LPP: variants seen among roughly 807,000 people sequenced by gnomAD.
LPP encodes lipoma-preferred partner.
LPP carries 38 observed loss-of-function variants against 60.4 expected under a neutral mutation model. That is an observed-to-expected ratio of 0.63 (90% CI 0.49 to 0.83). The LOEUF is 0.83. Among genes scored for constraint, LPP ranks in the 40% least tolerant of loss-of-function variants. The probability of loss-of-function intolerance (pLI) is 0.00; values close to 1 mark genes in which losing one functional copy is unlikely to be tolerated. For synonymous variants in LPP, 328 were observed against 290.8 expected (o/e 1.13, Z -1.30); for missense variants, 902 against 783.6 (o/e 1.15, Z -1.80).
At position 188,760,435 on chromosome 3, in the gene LPP, T is replaced by TGTGC. The variant is rs777127864; in HGVS notation, c.1410+154_1410+155insTGCG. The stretch of plus-strand genomic sequence containing the variant: ...GTGTGTGTGTGTGTGTGTGTGTGTG[T>TGTGC]GCGTGCGCGCATGTAAATTAGCATA... On this transcript the variant is annotated intron_variant, in intron 9 of 11. Coordinates refer to ENST00000617246, the MANE Select transcript of LPP (RefSeq NM_001375462.1). 1.9e-4 allele frequency among the ~76,000 whole-genome samples: 29 copies of TGTGC among 151,196 alleles called. No individual in the cohort carries two copies. In the South Asian group the frequency reaches 2.7e-3, roughly 14 times the overall value.
chr3:188,514,295 G>T (rs1015518902), intron 5 of LPP, among the ~76,000 whole-genome samples: 1 of 150,688 alleles, frequency 6.6e-6, no homozygotes, highest in African/African-American at 2.4e-5. Context: ...TCTAGTGTTC[G>T]CTTGTTCATT....
chr3:188,562,045 G>GCACACACAGA (rs66520436), intron 6 of LPP, among the ~76,000 whole-genome samples: 10 of 52,370 alleles, frequency 1.9e-4, no homozygotes, highest in African/African-American at 4.2e-4. Context: ...TTATAATCAC[G>GCACACACAGA]CACACACAGA....
At chr3:188,718,371 C>A (rs978796774) in intron 8 of LPP, among the ~76,000 whole-genome samples, 7 of 152,130 alleles carry the variant, frequency 4.6e-5, no homozygotes, top group African/African-American at 1.7e-4. Context: ...ATAGGTCGGG[C>A]CTGCTACTTT....
chr3:188,777,576 G>A (rs1302746633), intron 9 of LPP, among the ~76,000 whole-genome samples: 1 of 152,128 alleles, frequency 6.6e-6, no homozygotes, highest in African/African-American at 2.4e-5. Context: ...AGATTGAGGA[G>A]CTAATTTTGC....
At chr3:188,616,899 A>T (rs544979529) in intron 7 of LPP, among the ~76,000 whole-genome samples, 1 of 152,328 alleles carries the variant, frequency 6.6e-6, no homozygotes, top group South Asian at 2.1e-4. Flanking sequence ...ATTAGCATAT[A>T]GAAATAGCAA....
intron 7 of LPP, among the ~76,000 whole-genome samples, chr3:188,613,534 T>C (rs1212032733): frequency 1.3e-5 from 2 of 152,086 alleles, no homozygotes; most frequent in Non-Finnish European, 2.9e-5. Flanking sequence ...GCTGGGGCTG[T>C]GCATTCCAGG....
At chr3:188,762,242 T>C (rs1162486403) in intron 9 of LPP, among the ~76,000 whole-genome samples, 1 of 152,184 alleles carries the variant, frequency 6.6e-6, no homozygotes, top group Non-Finnish European at 1.5e-5. Context: ...AATTATTTAC[T>C]CTTTCTAAGT....
chr3:188,501,120 A>C (rs2149870109), intron 5 of LPP, among the ~76,000 whole-genome samples: 1 of 151,448 alleles, frequency 6.6e-6, no homozygotes, highest in East Asian at 1.9e-4. Context: ...TTTTTTTCCA[A>C]GTTTCACAAT....
intron 6 of LPP, among the ~76,000 whole-genome samples, chr3:188,604,482 C>A (rs986509384): frequency 6.6e-6 from 1 of 152,034 alleles, no homozygotes; most frequent in Non-Finnish European, 1.5e-5. Flanking sequence ...ACCTCAAAGT[C>A]TTCCTGGAAA....
At chr3:188,386,921 G>A (rs1487050910) in intron 3 of LPP, among the ~76,000 whole-genome samples, 1 of 152,034 alleles carries the variant, frequency 6.6e-6, no homozygotes, top group Non-Finnish European at 1.5e-5. Flanking sequence ...CCCAAAGTTG[G>A]TTTGCCTTTA....
At chr3:188,634,137 G>A (rs535837424) in intron 7 of LPP, among the ~76,000 whole-genome samples, 12 of 152,282 alleles carry the variant, frequency 7.9e-5, no homozygotes, top group African/African-American at 2.9e-4. Flanking sequence ...CTCAGATTCT[G>A]GAATCAAAGC....
At chr3:188,787,432 G>T (rs548978515) in intron 9 of LPP, among the ~76,000 whole-genome samples, 5 of 150,890 alleles carry the variant, frequency 3.3e-5, no homozygotes, top group Admixed American at 2.0e-4. Flanking sequence ...ACACACACAC[G>T]CACACACACA....
At chr3:188,235,451 G>C (rs1012913905) in intron 2 of LPP, among the ~76,000 whole-genome samples, 1 of 152,088 alleles carries the variant, frequency 6.6e-6, no homozygotes, top group African/African-American at 2.4e-5. Context: ...TTGTGGTGGG[G>C]ATAAAATGTT....
intron 2 of LPP, among the ~76,000 whole-genome samples, chr3:188,297,138 A>T (rs147132517): frequency 6.6e-6 from 1 of 152,220 alleles, no homozygotes; most frequent in East Asian, 1.9e-4. Flanking sequence ...ATGTCATTCG[A>T]TCTATAATTC....
At chr3:188,233,895 G>T (rs1399733723) in intron 2 of LPP, among the ~76,000 whole-genome samples, 2 of 151,808 alleles carry the variant, frequency 1.3e-5, no homozygotes, top group African/African-American at 2.4e-5. Context: ...GTGTGTAGCC[G>T]CTGCTCACCC....
At chr3:188,503,282 C>T (rs1378377696) in intron 5 of LPP, among the ~76,000 whole-genome samples, 1 of 152,062 alleles carries the variant, frequency 6.6e-6, no homozygotes, top group Non-Finnish European at 1.5e-5. Flanking sequence ...AACAAAATTA[C>T]ATCTTTATAC....
rs1040275957 is a variant in LPP, at chr3:188,882,345, T to G, written c.*7866T>G. The stretch of plus-strand genomic sequence containing the variant: ...GCCAAAATATCATGGATTCTGGAAA[T>G]TCCTTCTTAACAGAAAAAAAAGGCT... On this transcript the variant is annotated 3_prime_UTR_variant, in exon 12 of 12. Coordinates refer to ENST00000617246, the MANE Select transcript of LPP (RefSeq NM_001375462.1). 1 of 225,872 alleles carries G rather than the reference T, an allele frequency of 4.4e-6. No individual in the cohort carries two copies. Among genetic ancestry groups the G allele is most frequent in the Non-Finnish European group, 8.8e-6 (1 of 113,608 alleles). 14.0% of individuals were successfully genotyped at this position (225,872 alleles called of 1,614,324 possible). A position where few individuals can be genotyped will look rare whatever the true frequency, so the allele number is the denominator to read the frequency against.
At chr3:188,705,607 T>C (rs962445575) in intron 7 of LPP, among the ~76,000 whole-genome samples, 1 of 151,692 alleles carries the variant, frequency 6.6e-6, no homozygotes, top group Non-Finnish European at 1.5e-5. Context: ...ATATATATAA[T>C]TTTTTTTAAT....
At chr3:188,773,599 TAATA>T (rs1736785829) in intron 9 of LPP, among the ~76,000 whole-genome samples, 1 of 152,226 alleles carries the variant, frequency 6.6e-6, no homozygotes, top group African/African-American at 2.4e-5. Context: ...ACACACTCTT[TAATA>T]ATGTTAAAAG....
Sources: gnomAD v4.1 joint callset for allele counts (sites outside exome capture counted in the v4.1 genomes callset) on GRCh38, gnomAD v4.1.1 for gene constraint, MANE v1.5 for transcripts, NCBI Gene and HGNC (gene_info 2026-07-23, HGNC 2026-07-21) for gene names.